The following HMGN5 variants were observed in gnomAD, a reference collection of about 807,000 sequenced individuals.
The protein encoded by HMGN5 is high mobility group nucleosome-binding domain-containing protein 5.
A neutral mutation model predicts 9.5 loss-of-function variants in HMGN5; 4 were observed. The observed-to-expected ratio is 0.42, with a 90% CI of 0.21 to 0.96. The LOEUF (loss-of-function observed/expected upper bound fraction) is 0.96. Ranked by LOEUF, HMGN5 falls within the 40% of genes least tolerant of loss-of-function variation. The pLI, the probability that HMGN5 is intolerant of heterozygous loss-of-function variation, is 0.30. For synonymous variants in HMGN5, 55 were observed against 57.1 expected, an observed-to-expected ratio of 0.96 and a Z score of 0.16; for missense variants, 192 against 187.5, an observed-to-expected ratio of 1.02 and a Z score of -0.14.
chrX:81,131,657 A>G (rs754551577), intron 1 of HMGN5, among the ~76,000 whole-genome samples: 1 of 111,701 alleles, frequency 9.0e-6, no homozygotes, highest in Non-Finnish European at 1.9e-5. Flanking sequence ...AATTAAAATT[A>G]TCTTTATCCC....
chrX:81,178,903 A>C (rs1056625947), intron 1 of HMGN5, among the ~76,000 whole-genome samples: 2 of 111,946 alleles, frequency 1.8e-5, no homozygotes, highest in Non-Finnish European at 1.9e-5. Context: ...CAAAATACAC[A>C]AATCAATAAG....
chrX:81,125,064 G>A (rs1374458279), intron 1 of HMGN5, among the ~76,000 whole-genome samples: 1 of 108,245 alleles, frequency 9.2e-6, no homozygotes, highest in Non-Finnish European at 1.9e-5. Flanking sequence ...GTCTTCAAAT[G>A]TTCTGTATAT....
At position 81,172,669 on chromosome X, in the gene HMGN5, G is replaced by A. The variant is rs2075429756; in HGVS notation, c.-124+29068C>T. ...AGTCCAGGCCAAAGAAACAAAGACT[G>A]ATAATATCAACTACTTTAAAAGCAA... is the stretch of plus-strand genomic sequence containing the variant. On this transcript the variant is annotated intron_variant, in intron 1 of 6. Coordinates refer to ENST00000358130, the MANE Select transcript of HMGN5 (RefSeq NM_030763.3). Among the ~76,000 whole-genome samples, 3 of 109,931 alleles carry A rather than the reference G, an allele frequency of 2.7e-5. No individual in the cohort carries two copies. The Admixed American group carries it at 2.9e-4, about 11-fold the overall frequency.
At chrX:81,180,377 A>C (rs1434915517) in intron 1 of HMGN5, among the ~76,000 whole-genome samples, 1 of 111,909 alleles carries the variant, frequency 8.9e-6, no homozygotes, top group African/African-American at 3.3e-5. Context: ...ACTCCATCAA[A>C]AAGTGGGCAA....
At chrX:81,126,513 ATG>A (rs960392373) in intron 1 of HMGN5, among the ~76,000 whole-genome samples, 1 of 111,732 alleles carries the variant, frequency 8.9e-6, no homozygotes, top group Non-Finnish European at 1.9e-5. Context: ...AGTCTGGTGA[ATG>A]TGAGTTTTTA....
chrX:81,169,336 A>G (rs1000374037), intron 1 of HMGN5, among the ~76,000 whole-genome samples: 3 of 111,815 alleles, frequency 2.7e-5, no homozygotes, highest in African/African-American at 6.5e-5. Flanking sequence ...ATGAGTGAAG[A>G]TATAGACTGT....
At chrX:81,140,336 G>A (rs1441522497) in intron 1 of HMGN5, among the ~76,000 whole-genome samples, 2 of 110,482 alleles carry the variant, frequency 1.8e-5, no homozygotes, top group African/African-American at 6.6e-5. Flanking sequence ...CGAGGCGGGC[G>A]GATCACGAGG....
chrX:81,119,739 A>G (rs774941814), intron 3 of HMGN5, 49 bp downstream of exon 3: 58 of 1,111,122 alleles, frequency 5.2e-5, no homozygotes, highest in African/African-American at 5.1e-4. Context: ...TGTCAAGTTT[A>G]TAAAACGAGT....
intron 1 of HMGN5, among the ~76,000 whole-genome samples, chrX:81,138,169 A>G (rs1026509005): frequency 8.9e-6 from 1 of 112,030 alleles, no homozygotes; most frequent in Admixed American, 9.5e-5. Context: ...ACCAATATCT[A>G]TCAAGAACTT....
At chrX:81,186,351 T>A (rs2075477498) in intron 1 of HMGN5, among the ~76,000 whole-genome samples, 1 of 112,101 alleles carries the variant, frequency 8.9e-6, no homozygotes, top group African/African-American at 3.2e-5. Context: ...AACTTGTATT[T>A]GTGTAGGAAT....
chrX:81,116,354 A>G lies in HMGN5; in HGVS notation c.130-13T>C. On this transcript the variant is annotated splice_polypyrimidine_tract_variant and intron_variant, in intron 5 of 6. Coordinates refer to ENST00000358130, the MANE Select transcript of HMGN5 (RefSeq NM_030763.3). ...TTGTCTTCATTTTCTGCCAAGCAAT[A>G]TAAAACAATGAAAGTAAATATACAA... 1.8e-6 allele frequency: 2 copies of G among 1,132,263 alleles called. No individual in the cohort carries two copies. Among genetic ancestry groups the G allele is most frequent in the South Asian group, 3.9e-5 (2 of 51,788 alleles). The allele number at this position is 1,132,263 out of a possible 1,213,427, so 93.3% of individuals were successfully genotyped here.
chrX:81,159,524 T>A (rs2075393001), intron 1 of HMGN5, among the ~76,000 whole-genome samples: 1 of 111,732 alleles, frequency 8.9e-6, no homozygotes, highest in Non-Finnish European at 1.9e-5. Context: ...TGTGGAGAGT[T>A]CAATAAGAGT....
intron 1 of HMGN5, among the ~76,000 whole-genome samples, chrX:81,183,817 G>A (rs1187240979): frequency 8.9e-6 from 1 of 112,211 alleles, no homozygotes; most frequent in Non-Finnish European, 1.9e-5. Flanking sequence ...TGTGGGGCCT[G>A]TAGTCCCTTA....
chrX:81,194,138 A>G (rs1324992276), intron 1 of HMGN5, among the ~76,000 whole-genome samples: 3 of 111,845 alleles, frequency 2.7e-5, no homozygotes, highest in Non-Finnish European at 5.6e-5. Flanking sequence ...ATTAAACTTG[A>G]CATATATCTC....
chrX:81,150,586 T>TAACAAA lies in HMGN5; in HGVS notation c.-123-28920_-123-28915dup, dbSNP rs1335318780. 1.6e-4 allele frequency among the ~76,000 whole-genome samples: 18 copies of TAACAAA among 109,105 alleles called. No individual in the cohort carries two copies. The East Asian group carries it at 4.9e-3, about 29-fold the overall frequency. The allele number at this position is 109,105 out of a possible 115,157, so 94.7% of individuals were successfully genotyped here. ...TGTCTTGCAAAACAAAACAAAACAA[T>TAACAAA]AACAAAAACAAAAACAAAACAAAAT... On this transcript the variant is annotated intron_variant, in intron 1 of 6. Transcript: ENST00000358130.
At chrX:81,146,381 C>A (rs192498660) in intron 1 of HMGN5, among the ~76,000 whole-genome samples, 3 of 111,531 alleles carry the variant, frequency 2.7e-5, no homozygotes, top group African/African-American at 6.5e-5. Context: ...ACGGAACAAC[C>A]AGCTCCTGAA....
Position 81,165,557 on chromosome X carries a change from T to C in HMGN5, c.-124+36180A>G, listed in dbSNP as rs754774182. Among the ~76,000 whole-genome samples the C allele has an allele frequency of 6.3e-5, 7 of 111,534 alleles. No homozygotes were observed. In the South Asian group the frequency reaches 2.7e-3, roughly 42 times the overall value. The stretch of plus-strand genomic sequence containing the variant: ...AAACAGCTCTCATTTTCTATTTTCC[T>C]CCAGGGCATTATCCTATAAAATTCC... On this transcript the variant is annotated intron_variant, in intron 1 of 6. Coordinates refer to ENST00000358130, the MANE Select transcript of HMGN5 (RefSeq NM_030763.3).
chrX:81,167,857 A>G (rs1188717157), intron 1 of HMGN5, among the ~76,000 whole-genome samples: 1 of 111,747 alleles, frequency 8.9e-6, no homozygotes, highest in Non-Finnish European at 1.9e-5. Flanking sequence ...AAAAGACCCT[A>G]GAACTAATTT....
chrX:81,189,661 T>C (rs1489857539), intron 1 of HMGN5, among the ~76,000 whole-genome samples: 2 of 112,445 alleles, frequency 1.8e-5, no homozygotes, highest in Admixed American at 9.4e-5. Flanking sequence ...CTTCCAAGTG[T>C]AGGCAATTGT....
Sources: allele counts gnomAD v4.1 joint callset (sites outside exome capture counted in the v4.1 genomes callset), GRCh38; gene constraint gnomAD v4.1.1; transcripts MANE v1.5; gene names NCBI Gene and HGNC (gene_info 2026-07-23, HGNC 2026-07-21).